The following PGR variants were observed in gnomAD, a reference collection of about 807,000 sequenced individuals.
PGR encodes nuclear receptor subfamily 3 group C member 3.
A neutral mutation model predicts 76.1 loss-of-function variants in PGR; 25 were observed. The observed-to-expected ratio is 0.33, with a 90% CI of 0.24 to 0.46. PGR has a LOEUF of 0.46. PGR is among the 20% of genes least tolerant of loss of function. The probability of loss-of-function intolerance (pLI) is 1.00; values close to 1 mark genes in which losing one functional copy is unlikely to be tolerated. For missense variants in PGR, 1,172 were observed against 1,225.3 expected, an observed-to-expected ratio of 0.96 and a Z score of 0.65; for synonymous variants, 579 against 535.0, an observed-to-expected ratio of 1.08 and a Z score of -1.14.
At chr11:101,101,462 G>T (rs1221287160) in intron 2 of PGR, among the ~76,000 whole-genome samples, 2 of 152,092 alleles carry the variant, frequency 1.3e-5, no homozygotes, top group Non-Finnish European at 2.9e-5. Context: ...AAGAGAGAGA[G>T]AACTATTAAA....
chr11:101,058,668 C>T (rs1271526815), intron 4 of PGR, among the ~76,000 whole-genome samples: 3 of 152,094 alleles, frequency 2.0e-5, no homozygotes, highest in Non-Finnish European at 4.4e-5. Context: ...CCTCATACCC[C>T]CTCTGTCACA....
At chr11:101,048,543 C>A (rs1859971374) in intron 6 of PGR, among the ~76,000 whole-genome samples, 1 of 152,026 alleles carries the variant, frequency 6.6e-6, no homozygotes, top group Non-Finnish European at 1.5e-5. Flanking sequence ...AGCTGTAACA[C>A]AATGGTAAGT....
intron 2 of PGR, among the ~76,000 whole-genome samples, chr11:101,102,403 G>C (rs1862022131): frequency 6.6e-6 from 1 of 152,164 alleles, no homozygotes; most frequent in South Asian, 2.1e-4. Context: ...GTTGATTACA[G>C]ATATTCGCTG....
intron 2 of PGR, among the ~76,000 whole-genome samples, chr11:101,099,793 AC>A (rs76324859): frequency 0.29 from 44,782 of 151,960 alleles, 6,790 homozygotes; most frequent in Non-Finnish European, 0.31. Context: ...GTAATCACCC[AC>A]CAAACACAGA....
chr11:101,109,696 C>G (rs1313213475), intron 2 of PGR, among the ~76,000 whole-genome samples: 2 of 152,186 alleles, frequency 1.3e-5, no homozygotes, highest in African/African-American at 2.4e-5. Flanking sequence ...GAAGCTGCAG[C>G]AAGTTATCCA....
rs546454248 is a variant in PGR at position 101,097,560 on chromosome 11, A to G, written c.1790-5684T>C. Among the ~76,000 whole-genome samples, 21 of 152,290 alleles carry G rather than the reference A, an allele frequency of 1.4e-4. No individual in the cohort carries two copies. In the South Asian group the frequency reaches 2.7e-3, roughly 20 times the overall value. On this transcript the variant is annotated intron_variant, in intron 2 of 7. Transcript: ENST00000325455. ...GATAGGTGTATATACAATTATACCT[A>G]TTGTTTCGCTTATATTTGTAAATAT...
At chr11:101,085,404 T>G (rs1861459568) in intron 3 of PGR, among the ~76,000 whole-genome samples, 1 of 150,414 alleles carries the variant, frequency 6.6e-6, no homozygotes, top group African/African-American at 2.4e-5. Flanking sequence ...AGACACAACA[T>G]ACCAAAATCT....
chr11:101,121,475 A>G (rs976314433), intron 2 of PGR, among the ~76,000 whole-genome samples: 4 of 152,234 alleles, frequency 2.6e-5, no homozygotes, highest in East Asian at 1.9e-4. Context: ...TTTCATTACT[A>G]GCCTATGACA....
chr11:101,104,968 A>G (rs1304683281), intron 2 of PGR, among the ~76,000 whole-genome samples: 1 of 152,118 alleles, frequency 6.6e-6, no homozygotes, highest in Non-Finnish European at 1.5e-5. Flanking sequence ...TACTCATGGA[A>G]GCTGGAAGCT....
At chr11:101,088,622 G>A (rs765692180) in intron 3 of PGR, among the ~76,000 whole-genome samples, 12 of 152,230 alleles carry the variant, frequency 7.9e-5, no homozygotes, top group East Asian at 1.9e-4. Context: ...ATGAGCCACC[G>A]CTCCCGGCCC....
rs773095767 is a variant in PGR, at chr11:101,127,684, A to C, written c.1387T>G (p.Tyr463Asp). 1.3e-6 allele frequency: 2 copies of C among 1,578,406 alleles called. No homozygotes were observed. Among genetic ancestry groups the C allele is most frequent in the South Asian group, 2.3e-5 (2 of 87,884 alleles). The change falls in exon 1 of 8, where the codon TAC becomes GAC. Residue 463 changes from tyrosine (Y) to aspartate (D), a missense_variant. Physicochemically the swap from Tyr to Asp is radical, Grantham distance 160. Around this residue, in one of 4 missense-constraint regions of PGR, gnomAD observed 893 missense variants for 785.9 expected, o/e 1.14. Coordinates refer to ENST00000325455, the MANE Select transcript of PGR (RefSeq NM_000926.4). ...TGGGGCGGCGCGCCCTCCGCTTTGT[A>C]CAGGATGCACTCCAGGGTCGACCCC... is the stretch of plus-strand genomic sequence containing the variant. ...SSGSTLECIL[Y>D]KAEGAPPQQG...
Position 101,129,345 on chromosome 11 carries a change from G to A in PGR, c.-275C>T, listed in dbSNP as rs1487526271. 2 of 436,548 alleles carry A rather than the reference G, an allele frequency of 4.6e-6. No individual in the cohort carries two copies. The highest frequency in any genetic ancestry group is 3.4e-5 in the East Asian group (1 of 29,244). 27.0% of individuals were successfully genotyped at this position (436,548 alleles called of 1,614,324 possible). On this transcript the variant is annotated 5_prime_UTR_variant, in exon 1 of 8. Transcript: ENST00000325455. ...GCGCAAGAAAAAGTAGTAATTGTTA[G>A]GAGATCTCGTCTCCTAACTCGGGGA...
At chr11:101,110,831 C>T in intron 2 of PGR, among the ~76,000 whole-genome samples, 1 of 152,230 alleles carries the variant, frequency 6.6e-6, no homozygotes, top group East Asian at 1.9e-4. Context: ...GCCACAGACA[C>T]CCCAACCTCC....
chr11:101,033,612 A>C lies in PGR; in HGVS notation c.*5504T>G, dbSNP rs978187604. 9.1e-5 allele frequency: 18 copies of C among 198,428 alleles called. No individual in the cohort carries two copies. Among genetic ancestry groups the C allele is most frequent in the African/African-American group, 4.1e-4 (18 of 43,506 alleles). 12.3% of individuals were successfully genotyped at this position (198,428 alleles called of 1,614,324 possible). On this transcript the variant is annotated 3_prime_UTR_variant, in exon 8 of 8. Transcript: ENST00000325455. ...TCATTGATATGTCTTTGAATAACAA[A>C]ACATTAAGAAAACACAATAACTATT...
intron 2 of PGR, among the ~76,000 whole-genome samples, chr11:101,093,275 C>G (rs1296971786): frequency 6.6e-6 from 1 of 151,866 alleles, no homozygotes; most frequent in African/African-American, 2.4e-5. Flanking sequence ...AGGAGGTTAG[C>G]AGAGTGTACT....
At position 101,129,768 on chromosome 11, in the gene PGR, G is replaced by C. The variant is rs1051177224; in HGVS notation, c.-698C>G. 1 of 179,830 alleles carries C rather than the reference G, an allele frequency of 5.6e-6. No individual in the cohort carries two copies. Among genetic ancestry groups the C allele is most frequent in the African/African-American group, 2.4e-5 (1 of 42,348 alleles). 11.1% of individuals were successfully genotyped at this position (179,830 alleles called of 1,614,324 possible). On this transcript the variant is annotated 5_prime_UTR_variant, in exon 1 of 8. Transcript: ENST00000325455. The stretch of plus-strand genomic sequence containing the variant: ...TTCTCATTGAGAATGCCACCCACAC[G>C]CACAAATACAACAAGGCTTACCCCG...
rs1841833750 is a variant in PGR at position 101,035,496 on chromosome 11, GT to G, written c.*3619del. On this transcript the variant is annotated 3_prime_UTR_variant, in exon 8 of 8. Coordinates refer to ENST00000325455, the MANE Select transcript of PGR (RefSeq NM_000926.4). ...TCATAACCTTCTTAGGGATAGGGAT[GT>G]TTTTTGGGTTGATGACTTCATTGTA... 3 of 232,070 alleles carry G rather than the reference GT, an allele frequency of 1.3e-5. No individual in the cohort carries two copies. The East Asian group carries it at 1.8e-4, about 14-fold the overall frequency. 14.4% of individuals were successfully genotyped at this position (232,070 alleles called of 1,614,324 possible).
At chr11:101,098,821 T>C (rs527436511) in intron 2 of PGR, among the ~76,000 whole-genome samples, 15 of 152,318 alleles carry the variant, frequency 9.8e-5, no homozygotes, top group Admixed American at 5.9e-4. Context: ...AAGACTGCCT[T>C]AGCAATGAAA....
intron 4 of PGR, among the ~76,000 whole-genome samples, chr11:101,054,360 A>AT (rs1860213702): frequency 6.6e-6 from 1 of 152,100 alleles, no homozygotes; most frequent in Non-Finnish European, 1.5e-5. Flanking sequence ...AAGTTTTATC[A>AT]TTTTTTAATT....
Sources: allele counts gnomAD v4.1 joint callset (sites outside exome capture counted in the v4.1 genomes callset), GRCh38; gene constraint gnomAD v4.1.1; regional missense constraint gnomAD v4.1.1; transcripts MANE v1.5; gene names NCBI Gene and HGNC (gene_info 2026-07-23, HGNC 2026-07-21).